The following CUX1 variants were observed in gnomAD, a reference collection of about 807,000 sequenced individuals.
The protein encoded by CUX1 is protein CASP.
Under a neutral mutation model 158.8 loss-of-function variants are expected in CUX1, and 31 were observed. The observed-to-expected ratio is 0.20, with a 90% CI of 0.15 to 0.26. CUX1 has a LOEUF of 0.26. Among genes scored for constraint, CUX1 ranks in the 10% least tolerant of loss-of-function variants. CUX1 has a pLI of 1.00. For missense variants in CUX1, 1,589 were observed against 2,014.6 expected (o/e 0.79, Z 4.04); for synonymous variants, 879 against 862.1 (o/e 1.02, Z -0.34).
At chr7:102,239,188 C>A in intron 22 of CUX1, 132 bp from the exon 23 acceptor site, 2 of 1,075,052 alleles carry the variant, frequency 1.9e-6, no homozygotes, top group Non-Finnish European at 2.6e-6. Flanking sequence ...TGCCCAGCCT[C>A]ATCTTAGTGT....
intron 8 of CUX1, among the ~76,000 whole-genome samples, chr7:102,139,215 A>G (rs1413784702): frequency 6.8e-6 from 1 of 146,900 alleles, no homozygotes; most frequent in East Asian, 2.0e-4. Context: ...GCTGCACTCC[A>G]GCCTGGGCAA....
Position 102,060,911 on chromosome 7 carries a change from CTTTTTTTTTTTTT to C in CUX1, c.190-9418_190-9406del, listed in dbSNP as rs1039443388. Reference sequence around the variant, plus strand: ...ACAGGTGTGAACCACCGCGCCTGGCCTTTTTTTTTTTTTTTTTTTTTTGGAGACAGACTCTCAC... The same window carrying C: ...ACAGGTGTGAACCACCGCGCCTGGCCTTTTTTTTTGGAGACAGACTCTCAC... On this transcript the variant is annotated intron_variant, in intron 3 of 23. Coordinates refer to ENST00000292535, the MANE Select transcript of CUX1 (RefSeq NM_181552.4). Among the ~76,000 whole-genome samples the C allele has an allele frequency of 3.5e-3, 280 of 79,468 alleles. 3 individuals are homozygous for C. The highest frequency in any genetic ancestry group is 0.019 in the African/African-American group (259 of 13,788). The allele number at this position is 79,468 out of a possible 152,430, so 52.1% of individuals were successfully genotyped here.
rs1190624772 is a variant in CUX1, at chr7:101,916,852, T to C, written c.141+627T>C. ...GTGTTGAGTTGCTGGGGTGGCGTTTTTCTGCTCGTTTCCTGGCCCCTTCTT... is the reference window on the plus strand; with the variant it reads ...GTGTTGAGTTGCTGGGGTGGCGTTTCTCTGCTCGTTTCCTGGCCCCTTCTT... On this transcript the variant is annotated intron_variant, in intron 2 of 23. Transcript: ENST00000292535. The surrounding 1 kb of genome is among the most constrained non-coding windows in gnomAD (Gnocchi z 4.4). 6.6e-6 allele frequency among the ~76,000 whole-genome samples: 1 copy of C among 152,110 alleles called. No homozygotes were observed. Among genetic ancestry groups the C allele is most frequent in the Non-Finnish European group, 1.5e-5 (1 of 68,008 alleles).
intron 3 of CUX1, among the ~76,000 whole-genome samples, chr7:102,053,314 G>C (rs1302528486): frequency 6.6e-6 from 1 of 151,946 alleles, no homozygotes; most frequent in African/African-American, 2.4e-5. Flanking sequence ...TTTAATTTTT[G>C]TGGGGATGTA....
chr7:102,066,410 A>T (rs1563198215), intron 3 of CUX1, among the ~76,000 whole-genome samples: 1 of 152,130 alleles, frequency 6.6e-6, no homozygotes, highest in Non-Finnish European at 1.5e-5. Flanking sequence ...TCAGGACTTC[A>T]TCATCTTTCA....
intron 2 of CUX1, among the ~76,000 whole-genome samples, chr7:101,965,701 T>C (rs917721661): frequency 6.6e-6 from 1 of 151,238 alleles, no homozygotes; most frequent in Non-Finnish European, 1.5e-5. Context: ...CAAAAAAAAT[T>C]AGCGGGGCGT....
chr7:102,172,633 C>G (rs1434979755), intron 10 of CUX1, among the ~76,000 whole-genome samples: 1 of 152,200 alleles, frequency 6.6e-6, no homozygotes, highest in East Asian at 1.9e-4. Context: ...AATGGCTGAG[C>G]TAAGACCTGA....
At chr7:102,033,053 G>A (rs1201608502) in intron 3 of CUX1, among the ~76,000 whole-genome samples, 3 of 152,186 alleles carry the variant, frequency 2.0e-5, no homozygotes, top group Non-Finnish European at 4.4e-5. Flanking sequence ...TTGGTAGTGG[G>A]GGACAAGTGT....
chr7:102,235,881 A>C (rs771772862), intron 22 of CUX1, among the ~76,000 whole-genome samples: 56 of 151,790 alleles, frequency 3.7e-4, no homozygotes, highest in Non-Finnish European at 6.5e-4. Context: ...CCAGCCAAGC[A>C]TCGCCGTTCT....
intron 3 of CUX1, among the ~76,000 whole-genome samples, chr7:102,044,626 C>A (rs187225276): frequency 5.6e-4 from 85 of 152,264 alleles, no homozygotes; most frequent in African/African-American, 2.0e-3. Context: ...CTATTCTTTG[C>A]CTTATGGAAG....
At position 102,227,380 on chromosome 7, in the gene CUX1, G is replaced by A; in HGVS notation, c.3144G>A (p.Lys1048=). ...QGCVSSESTP[K]TSASCSPAPE... is the part of the protein sequence containing the mutation. ...CTTTAATTACAGAAAGCACTCCAAA[G>A]ACCTCCGCCAGCTGCAGCCCTGCCC... The change falls in exon 21 of 24, where the codon AAG becomes AAA. Residue 1048 remains lysine, a synonymous_variant. Coordinates refer to ENST00000292535, the MANE Select transcript of CUX1 (RefSeq NM_181552.4). The A allele has an allele frequency of 6.2e-7, 1 of 1,607,466 alleles. No homozygotes were observed. The highest frequency in any genetic ancestry group is 8.5e-7 in the Non-Finnish European group (1 of 1,174,826).
intron 1 of CUX1, chr7:101,818,972 G>A (rs1222086731): frequency 6.6e-6 from 1 of 152,350 alleles, no homozygotes; most frequent in Middle Eastern, 3.4e-3. Flanking sequence ...AGACGTCAGC[G>A]GGTCCAGGTG....
At chr7:102,046,569 A>ATTTTTTTTTTTCTTTTTTT (rs1822832939) in intron 3 of CUX1, among the ~76,000 whole-genome samples, 1 of 55,466 alleles carries the variant, frequency 1.8e-5, no homozygotes, top group African/African-American at 8.2e-5. Flanking sequence ...TTTGGTTTGG[A>ATTTTTTTTTTTCTTTTTTT]TTTTTTTTTT....
At chr7:102,031,881 A>G (rs1231323906) in intron 3 of CUX1, among the ~76,000 whole-genome samples, 2 of 151,852 alleles carry the variant, frequency 1.3e-5, no homozygotes, top group African/African-American at 2.4e-5. Flanking sequence ...AGACACTCCC[A>G]GCATCATCCC....
At position 102,249,447 on chromosome 7, in the gene CUX1, G is replaced by A. The variant is rs1305405981; in HGVS notation, c.*405G>A. ...ATGTCGTGTTTTCAAGGAAGAAAAC[G>A]GAAATGTGTGGTCGAGCTTTTTTGT... On this transcript the variant is annotated 3_prime_UTR_variant, in exon 24 of 24. Transcript: ENST00000292535. 2 of 985,824 alleles carry A rather than the reference G, an allele frequency of 2.0e-6. No individual in the cohort carries two copies. The highest frequency in any genetic ancestry group is 3.5e-5 in the African/African-American group (2 of 57,230). 61.1% of individuals were successfully genotyped at this position (985,824 alleles called of 1,614,324 possible). A position where few individuals can be genotyped will look rare whatever the true frequency, so the allele number is the denominator to read the frequency against.
intron 3 of CUX1, among the ~76,000 whole-genome samples, chr7:102,060,910 C>CATT (rs1824785930): frequency 9.5e-6 from 1 of 105,774 alleles, no homozygotes; most frequent in African/African-American, 5.5e-5. Context: ...CCGCGCCTGG[C>CATT]CTTTTTTTTT....
intron 1 of CUX1, among the ~76,000 whole-genome samples, chr7:101,915,373 C>T (rs140065146): frequency 1.0e-3 from 158 of 152,300 alleles, no homozygotes; most frequent in African/African-American, 3.7e-3. Context: ...AGCCCCCTAG[C>T]GGGTCCCTCA....
rs1563154959 is a variant in CUX1, at chr7:102,032,225, G to T, written c.189+4080G>T. Among the ~76,000 whole-genome samples the T allele has an allele frequency of 3.3e-5, 5 of 151,980 alleles. 1 individual carries two copies. Among genetic ancestry groups the T allele is most frequent in the Admixed American group, 1.3e-4 (2 of 15,248 alleles). The stretch of plus-strand genomic sequence containing the variant: ...ATTACAGGCATGGGCCACCACGCCT[G>T]GCCTGGAAGTGGTTTTTAAAATATT... On this transcript the variant is annotated intron_variant, in intron 3 of 23. Transcript: ENST00000292535.
chr7:101,921,091 C>T (rs903937352), intron 2 of CUX1, among the ~76,000 whole-genome samples: 2 of 151,798 alleles, frequency 1.3e-5, no homozygotes, highest in Non-Finnish European at 2.9e-5. Context: ...CCCAAAGTGT[C>T]GGGATTACAG....
Sources: allele counts gnomAD v4.1 joint callset (sites outside exome capture counted in the v4.1 genomes callset), GRCh38; gene constraint gnomAD v4.1.1; non-coding constraint Gnocchi (gnomAD v3.1); transcripts MANE v1.5; gene names NCBI Gene and HGNC (gene_info 2026-07-23, HGNC 2026-07-21).